The following SP100 variants were observed in gnomAD, a reference collection of about 807,000 sequenced individuals.
SP100 encodes SP100 nuclear body protein.
SP100 carries 84 observed loss-of-function variants against 130.0 expected under a neutral mutation model. That is an observed-to-expected ratio of 0.65 (90% CI 0.54 to 0.77). SP100 has a LOEUF of 0.77. Among genes scored for constraint, SP100 ranks in the 30% least tolerant of loss-of-function variants. The pLI is 0.00. For missense variants in SP100, 978 were observed against 1,052.2 expected, an observed-to-expected ratio of 0.93 and a Z score of 0.97; for synonymous variants, 331 against 351.7, an observed-to-expected ratio of 0.94 and a Z score of 0.66.
chr2:230,429,817 G>A (rs1431049281), intron 2 of SP100, among the ~76,000 whole-genome samples: 1 of 151,522 alleles, frequency 6.6e-6, no homozygotes, highest in Non-Finnish European at 1.5e-5. Flanking sequence ...TTTAAAAATG[G>A]TTCCTGTTCC....
At chr2:230,476,452 T>C (rs1285585150) in intron 17 of SP100, among the ~76,000 whole-genome samples, 1 of 152,234 alleles carries the variant, frequency 6.6e-6, no homozygotes, top group African/African-American at 2.4e-5. Flanking sequence ...TTTCATAAGA[T>C]AAAACCTGAA....
chr2:230,533,168 TGAAAG>T (rs1248503822), intron 24 of SP100, among the ~76,000 whole-genome samples: 1 of 152,358 alleles, frequency 6.6e-6, no homozygotes, highest in African/African-American at 2.4e-5. Context: ...AGTATCTAAA[TGAAAG>T]GAGATTATTT....
At chr2:230,502,092 G>T (rs1442794669) in intron 19 of SP100, among the ~76,000 whole-genome samples, 2 of 150,480 alleles carry the variant, frequency 1.3e-5, no homozygotes, top group African/African-American at 4.9e-5. Flanking sequence ...TGGCTAGGCT[G>T]GTTTTGAACT....
intron 17 of SP100, among the ~76,000 whole-genome samples, chr2:230,478,121 T>C (rs1043764857): frequency 7.2e-5 from 11 of 152,188 alleles, no homozygotes; most frequent in Admixed American, 5.9e-4. Flanking sequence ...TATCTTTTTT[T>C]CTATTACATA....
chr2:230,479,501 C>T (rs961963812), intron 17 of SP100, among the ~76,000 whole-genome samples: 5 of 152,174 alleles, frequency 3.3e-5, no homozygotes, highest in African/African-American at 4.8e-5. Context: ...ATCTATTTCA[C>T]ACTCCCAACC....
intron 5 of SP100, 102 bp from the exon 6 acceptor site, chr2:230,448,986 G>A (rs536013171): frequency 2.6e-6 from 2 of 780,482 alleles, no homozygotes; most frequent in East Asian, 2.4e-5. Context: ...ACCTAGAAGG[G>A]GTCTTTAACT....
At chr2:230,479,556 T>G (rs952758862) in intron 17 of SP100, among the ~76,000 whole-genome samples, 2 of 152,182 alleles carry the variant, frequency 1.3e-5, no homozygotes, top group African/African-American at 4.8e-5. Flanking sequence ...ACAGCTGTAC[T>G]AAAGACTCAG....
chr2:230,449,955 C>A (rs2063892814), intron 7 of SP100, among the ~76,000 whole-genome samples: 1 of 152,018 alleles, frequency 6.6e-6, no homozygotes, highest in Non-Finnish European at 1.5e-5. Context: ...CAGAGTCTCA[C>A]CAAAGAAGAG....
intron 18 of SP100, among the ~76,000 whole-genome samples, chr2:230,495,846 A>T (rs1178712638): frequency 1.3e-5 from 2 of 152,104 alleles, no homozygotes; most frequent in Non-Finnish European, 2.9e-5. Context: ...CACTATAGAG[A>T]TAGTAGCACT....
intron 24 of SP100, among the ~76,000 whole-genome samples, chr2:230,529,959 G>A (rs1691619320): frequency 6.6e-6 from 1 of 152,186 alleles, no homozygotes; most frequent in Non-Finnish European, 1.5e-5. Flanking sequence ...AACATTCCAT[G>A]CTCATGGATA....
chr2:230,502,096 T>C (rs902885610), intron 19 of SP100, among the ~76,000 whole-genome samples: 2 of 151,942 alleles, frequency 1.3e-5, no homozygotes, highest in Non-Finnish European at 2.9e-5. Context: ...TAGGCTGGTT[T>C]TGAACTCCTG....
intron 2 of SP100, among the ~76,000 whole-genome samples, chr2:230,436,927 A>ATATGTGTATACACACACATATAT (rs879558808): frequency 2.5e-5 from 2 of 79,958 alleles, no homozygotes; most frequent in African/African-American, 1.2e-4. Flanking sequence ...TATACACACA[A>ATATGTGTATACACACACATATAT]GTGTATACAC....
At chr2:230,514,362 GA>G (rs34582803) in intron 24 of SP100, among the ~76,000 whole-genome samples, 29,567 of 151,774 alleles carry the variant, frequency 0.19, 3,665 homozygotes, top group African/African-American at 0.35. Flanking sequence ...AAGAATGGGG[GA>G]AAAAAAACCT....
At chr2:230,515,657 T>C in intron 24 of SP100, 1 of 1,583,426 alleles carries the variant, frequency 6.3e-7, no homozygotes, top group Non-Finnish European at 8.5e-7. Flanking sequence ...TCTAGTGCAG[T>C]TTTTTTCTTG....
intron 24 of SP100, among the ~76,000 whole-genome samples, chr2:230,530,250 G>A (rs55736462): frequency 0.16 from 24,788 of 151,908 alleles, 2,436 homozygotes; most frequent in Non-Finnish European, 0.22. Flanking sequence ...CAATGGAACA[G>A]AACAGAGGCC....
In SP100 at chr2:230,464,630, AC is replaced by A. The variant is rs1371702083; in HGVS notation, c.1141+481del. Reference sequence around the variant, plus strand: ...TAATGGCAAAAAAAAAGTGACTTCAACTACACCCAAACCCAAATTATAGTTC... The same window carrying A: ...TAATGGCAAAAAAAAAGTGACTTCAATACACCCAAACCCAAATTATAGTTC... On this transcript the variant is annotated intron_variant, in intron 11 of 28. Coordinates refer to ENST00000340126, the MANE Select transcript of SP100 (RefSeq NM_001080391.2). 8.5e-5 allele frequency among the ~76,000 whole-genome samples: 13 copies of A among 152,344 alleles called. No individual in the cohort carries two copies. In the East Asian group the frequency reaches 2.5e-3, roughly 29 times the overall value.
chr2:230,469,772 C>T, intron 14 of SP100: 4 of 1,355,818 alleles, frequency 3.0e-6, no homozygotes, highest in Non-Finnish European at 3.9e-6. Context: ...ACATATTTTT[C>T]CCAAAGTTAA....
At chr2:230,455,440 T>C (rs1483429829) in intron 8 of SP100, among the ~76,000 whole-genome samples, 1 of 152,230 alleles carries the variant, frequency 6.6e-6, no homozygotes, top group East Asian at 1.9e-4. Flanking sequence ...ACACCTGTGC[T>C]TTCTTTCTTT....
intron 17 of SP100, among the ~76,000 whole-genome samples, chr2:230,488,462 G>T (rs1331901913): frequency 6.6e-6 from 1 of 152,198 alleles, no homozygotes; most frequent in Non-Finnish European, 1.5e-5. Context: ...TGCCCAGGCT[G>T]AAGTGCAGTG....
Sources: gnomAD v4.1 joint callset for allele counts (sites outside exome capture counted in the v4.1 genomes callset) on GRCh38, gnomAD v4.1.1 for gene constraint, MANE v1.5 for transcripts, NCBI Gene and HGNC (gene_info 2026-07-23, HGNC 2026-07-21) for gene names.